LDB2: variants seen among roughly 807,000 people sequenced by gnomAD.
The protein encoded by LDB2 is LIM domain-binding protein 2.
In LDB2, 12 loss-of-function variants were observed where a neutral mutation model predicts 44.3. The ratio of observed to expected loss-of-function variants is 0.27; its 90% CI spans 0.17 to 0.44. The LOEUF (loss-of-function observed/expected upper bound fraction) is 0.44. Ranked by LOEUF, LDB2 falls within the 20% of genes least tolerant of loss-of-function variation. The probability of loss-of-function intolerance (pLI) is 1.00; values close to 1 mark genes in which losing one functional copy is unlikely to be tolerated. For synonymous variants in LDB2, 164 were observed against 174.8 expected, an observed-to-expected ratio of 0.94 and a Z score of 0.49; for missense variants, 344 against 473.5, an observed-to-expected ratio of 0.73 and a Z score of 2.54.
At chr4:16,591,300 G>C (rs1411192077) in intron 3 of LDB2, among the ~76,000 whole-genome samples, 1 of 152,200 alleles carries the variant, frequency 6.6e-6, no homozygotes, top group African/African-American at 2.4e-5. Flanking sequence ...TGGAGCATCT[G>C]TAAGGTCAAC....
At chr4:16,611,068 A>C (rs1252755261) in intron 2 of LDB2, among the ~76,000 whole-genome samples, 2 of 152,124 alleles carry the variant, frequency 1.3e-5, no homozygotes, top group Non-Finnish European at 2.9e-5. Context: ...ATTCAACACT[A>C]TTAAAGTAAA....
intron 2 of LDB2, among the ~76,000 whole-genome samples, chr4:16,729,995 T>C (rs1043667869): frequency 6.6e-6 from 1 of 152,200 alleles, no homozygotes; most frequent in Admixed American, 6.5e-5. Flanking sequence ...CCATACAGTT[T>C]TTCCCTAGGA....
At chr4:16,798,992 A>G (rs1353627165) in intron 1 of LDB2, among the ~76,000 whole-genome samples, 2 of 152,076 alleles carry the variant, frequency 1.3e-5, no homozygotes. Context: ...CTGGGACTAC[A>G]GGCGCCCGCC....
intron 2 of LDB2, among the ~76,000 whole-genome samples, chr4:16,736,784 G>A (rs148572735): frequency 3.0e-4 from 45 of 152,286 alleles, no homozygotes; most frequent in African/African-American, 1.0e-3. Context: ...AACATAAAAT[G>A]TGACAGAAAT....
At chr4:16,864,356 G>A (rs1580327181) in intron 1 of LDB2, among the ~76,000 whole-genome samples, 1 of 152,158 alleles carries the variant, frequency 6.6e-6, no homozygotes, top group Admixed American at 6.5e-5. Flanking sequence ...ATCCAACCCT[G>A]CTTTCAGATA....
chr4:16,788,281 A>G (rs1561232581), intron 1 of LDB2, among the ~76,000 whole-genome samples: 2 of 152,238 alleles, frequency 1.3e-5, no homozygotes. Flanking sequence ...GCTCACTGCC[A>G]GTGCCGGATG....
intron 2 of LDB2, among the ~76,000 whole-genome samples, chr4:16,645,652 G>A (rs1736591802): frequency 6.6e-6 from 1 of 151,510 alleles, no homozygotes; most frequent in African/African-American, 2.4e-5. Flanking sequence ...AGAGAAATAA[G>A]CAACAGGAGG....
At chr4:16,737,375 T>G (rs897102369) in intron 2 of LDB2, among the ~76,000 whole-genome samples, 1 of 152,198 alleles carries the variant, frequency 6.6e-6, no homozygotes, top group Admixed American at 6.5e-5. Flanking sequence ...GCTATAGGCA[T>G]CAGCCCCCAC....
Position 16,823,215 on chromosome 4 carries a change from C to T in LDB2, c.133-63955G>A, listed in dbSNP as rs577541358. Among the ~76,000 whole-genome samples, 3 of 152,310 alleles carry T rather than the reference C, an allele frequency of 2.0e-5. No homozygotes were observed. The South Asian group carries it at 6.2e-4, about 32-fold the overall frequency. Reference sequence around the variant, plus strand: ...TACATCTGGGGATGATTTACAAAGCCTCATTTTACAGATCAGAGTATGAAG... The same window carrying T: ...TACATCTGGGGATGATTTACAAAGCTTCATTTTACAGATCAGAGTATGAAG... On this transcript the variant is annotated intron_variant, in intron 1 of 7. Transcript: ENST00000304523.
chr4:16,686,037 G>A (rs894671914), intron 2 of LDB2, among the ~76,000 whole-genome samples: 4 of 152,096 alleles, frequency 2.6e-5, no homozygotes, highest in Non-Finnish European at 5.9e-5. Context: ...GGGTGACAGA[G>A]AGAGACTCTG....
intron 1 of LDB2, among the ~76,000 whole-genome samples, chr4:16,842,086 C>T (rs1272948613): frequency 6.6e-6 from 1 of 152,146 alleles, no homozygotes; most frequent in Non-Finnish European, 1.5e-5. Context: ...AGTTATCATC[C>T]TTAAACATGC....
intron 2 of LDB2, among the ~76,000 whole-genome samples, chr4:16,718,514 A>G (rs1232053561): frequency 6.6e-6 from 1 of 152,126 alleles, no homozygotes; most frequent in Non-Finnish European, 1.5e-5. Context: ...GAGAGCTACA[A>G]ATTGAGTCAG....
At position 16,595,724 on chromosome 4, in the gene LDB2, G is replaced by A. The variant is rs764834270; in HGVS notation, c.387C>T (p.His129=). The change falls in exon 3 of 8, where the codon CAC becomes CAT. Residue 129 remains histidine, a synonymous_variant. Coordinates refer to ENST00000304523, the MANE Select transcript of LDB2 (RefSeq NM_001290.5). ...GTACCTTGGTAAACATGGGCTTCCC[G>A]TGCTGGGTGACCATGGTACACTGGT... ...DCDQCTMVTQ[H]GKPMFTKVCT... 15 of 1,613,448 alleles carry A rather than the reference G, an allele frequency of 9.3e-6. No homozygotes were observed. Among genetic ancestry groups the A allele is most frequent in the South Asian group, 2.2e-5 (2 of 91,008 alleles).
At chr4:16,511,388 A>G (rs546927242) in intron 6 of LDB2, among the ~76,000 whole-genome samples, 1 of 152,272 alleles carries the variant, frequency 6.6e-6, no homozygotes, top group South Asian at 2.1e-4. Flanking sequence ...TAGGGAAGTG[A>G]GGGAAATGGA....
chr4:16,602,587 C>T (rs1722869209), intron 2 of LDB2, among the ~76,000 whole-genome samples: 1 of 152,110 alleles, frequency 6.6e-6, no homozygotes, highest in Non-Finnish European at 1.5e-5. Context: ...AGATTTTAGC[C>T]AATGATATAA....
chr4:16,522,276 T>TTGTGTGTGCG lies in LDB2; in HGVS notation c.616-10173_616-10172insCGCACACACA, dbSNP rs61400788. ...GATATTCCCCGCCGTGTGTGTGTGT[T>TTGTGTGTGCG]TGTGTGTGTGTGTGTGTGTGTATGT... On this transcript the variant is annotated intron_variant, in intron 5 of 7. Transcript: ENST00000304523. Among the ~76,000 whole-genome samples the TTGTGTGTGCG allele has an allele frequency of 2.9e-3, 430 of 150,344 alleles. 2 individuals are homozygous for TTGTGTGTGCG. The highest frequency in any genetic ancestry group is 9.5e-3 in the African/African-American group (388 of 40,810).
chr4:16,655,896 C>CTTTTTGTTTTTTTT (rs1739666099), intron 2 of LDB2, among the ~76,000 whole-genome samples: 1 of 93,320 alleles, frequency 1.1e-5, no homozygotes, highest in Non-Finnish European at 2.0e-5. Context: ...TGCAAGAAAA[C>CTTTTTGTTTTTTTT]TTTTTTTTTT....
intron 1 of LDB2, among the ~76,000 whole-genome samples, chr4:16,865,687 C>T (rs568124461): frequency 6.6e-6 from 1 of 152,302 alleles, no homozygotes; most frequent in East Asian, 1.9e-4. Flanking sequence ...CTCTAGGGTT[C>T]AGCTCTTTGC....
intron 2 of LDB2, among the ~76,000 whole-genome samples, chr4:16,683,533 G>A (rs1302905357): frequency 6.6e-6 from 1 of 152,136 alleles, no homozygotes; most frequent in Non-Finnish European, 1.5e-5. Flanking sequence ...CTCTAAAATT[G>A]TGTCATTTTT....
Sources: allele counts gnomAD v4.1 joint callset (sites outside exome capture counted in the v4.1 genomes callset), GRCh38; gene constraint gnomAD v4.1.1; transcripts MANE v1.5; gene names NCBI Gene and HGNC (gene_info 2026-07-23, HGNC 2026-07-21).